The following DNAJC24 variants were observed in gnomAD, a reference collection of about 807,000 sequenced individuals.
DNAJC24 encodes DnaJ heat shock protein family (Hsp40) member C24, also known as dnaJ homolog subfamily C member 24.
A neutral mutation model predicts 18.0 loss-of-function variants in DNAJC24; 17 were observed. The observed-to-expected ratio is 0.94, with a 90% CI of 0.65 to 1.42. DNAJC24 has a LOEUF of 1.42. Among genes scored for constraint, DNAJC24 ranks in the 40% most tolerant of loss-of-function variants. The pLI, the probability that DNAJC24 is intolerant of heterozygous loss-of-function variation, is 0.00. For missense variants in DNAJC24, 158 were observed against 175.6 expected, an observed-to-expected ratio of 0.90 and a Z score of 0.57; for synonymous variants, 55 against 57.7, an observed-to-expected ratio of 0.95 and a Z score of 0.21.
chr11:31,380,238 CA>C (rs1952363158), intron 2 of DNAJC24, among the ~76,000 whole-genome samples: 1 of 152,058 alleles, frequency 6.6e-6, no homozygotes, highest in Non-Finnish European at 1.5e-5. Flanking sequence ...CATAGAATGT[CA>C]AAAACTAAAG....
intron 3 of DNAJC24, among the ~76,000 whole-genome samples, chr11:31,424,104 A>G (rs959061838): frequency 3.9e-5 from 6 of 152,180 alleles, no homozygotes; most frequent in African/African-American, 1.4e-4. Flanking sequence ...CTAATTTATT[A>G]TTTTTAAATA....
In DNAJC24 at chr11:31,385,941, G is replaced by A. The variant is rs571450966; in HGVS notation, c.111+15082G>A. On this transcript the variant is annotated intron_variant, in intron 2 of 4. Coordinates refer to ENST00000465995, the MANE Select transcript of DNAJC24 (RefSeq NM_181706.5). ...GTGGAAAGAGAATCCGTGTGCTTGGGGAAGGGAGAGCACCATGCTCGTAGG... is the reference window on the plus strand; with the variant it reads ...GTGGAAAGAGAATCCGTGTGCTTGGAGAAGGGAGAGCACCATGCTCGTAGG... Among the ~76,000 whole-genome samples, 31 of 152,266 alleles carry A rather than the reference G, an allele frequency of 2.0e-4. 1 individual carries two copies. In the South Asian group the frequency reaches 6.2e-3, roughly 31 times the overall value.
Position 31,373,384 on chromosome 11 carries a change from T to C in DNAJC24, c.111+2525T>C. On this transcript the variant is annotated intron_variant, in intron 2 of 4. Coordinates refer to ENST00000465995, the MANE Select transcript of DNAJC24 (RefSeq NM_181706.5). The stretch of plus-strand genomic sequence containing the variant: ...TATATTCAGTTGTGCCAGCATCATT[T>C]GTTGAAAATTTTTTTCTCCATTGGA... Among the ~76,000 whole-genome samples the C allele has an allele frequency of 1.5e-5, 2 of 134,800 alleles. 1 individual carries two copies. Among genetic ancestry groups the C allele is most frequent in the Non-Finnish European group, 3.4e-5 (2 of 58,324 alleles). 88.4% of individuals were successfully genotyped at this position (134,800 alleles called of 152,430 possible).
chr11:31,393,348 A>C (rs1354833224), intron 2 of DNAJC24, among the ~76,000 whole-genome samples: 2 of 152,180 alleles, frequency 1.3e-5, no homozygotes, highest in African/African-American at 4.8e-5. Flanking sequence ...GGGGTATGGC[A>C]ATAGAGAAGA....
intron 2 of DNAJC24, among the ~76,000 whole-genome samples, chr11:31,398,567 C>G (rs1432952044): frequency 6.6e-6 from 1 of 152,122 alleles, no homozygotes; most frequent in Non-Finnish European, 1.5e-5. Flanking sequence ...AGCATTGATT[C>G]AAATAAGAGG....
intron 2 of DNAJC24, among the ~76,000 whole-genome samples, chr11:31,393,491 G>A (rs528124480): frequency 3.9e-5 from 6 of 152,294 alleles, no homozygotes; most frequent in Admixed American, 6.5e-5. Context: ...GTGATTAGCC[G>A]TGAGGGCTCC....
chr11:31,398,611 A>G (rs1952567543), intron 2 of DNAJC24, among the ~76,000 whole-genome samples: 1 of 152,250 alleles, frequency 6.6e-6, no homozygotes, highest in Admixed American at 6.5e-5. Context: ...TTTCTTTCTC[A>G]TATCTTGTTT....
intron 2 of DNAJC24, among the ~76,000 whole-genome samples, chr11:31,379,375 C>T (rs61879924): frequency 1.8e-4 from 27 of 152,160 alleles, no homozygotes; most frequent in Non-Finnish European, 2.9e-4. Context: ...TGAGGTGGAA[C>T]AGTTTCATTC....
intron 2 of DNAJC24, among the ~76,000 whole-genome samples, chr11:31,399,351 C>T (rs562354188): frequency 1.4e-4 from 22 of 151,782 alleles, no homozygotes; most frequent in Non-Finnish European, 2.9e-4. Context: ...AACCACGTAT[C>T]TTAACCTTTT....
chr11:31,409,498 C>T (rs1952686052), intron 2 of DNAJC24, among the ~76,000 whole-genome samples: 1 of 152,164 alleles, frequency 6.6e-6, no homozygotes, highest in African/African-American at 2.4e-5. Flanking sequence ...TGTAATCATA[C>T]AGTATGTACT....
chr11:31,371,328 A>T (rs1319330213), intron 2 of DNAJC24, among the ~76,000 whole-genome samples: 1 of 152,220 alleles, frequency 6.6e-6, no homozygotes, highest in African/African-American at 2.4e-5. Context: ...AAAATAATTT[A>T]ACAATTTTTA....
chr11:31,393,129 A>G (rs553344871), intron 2 of DNAJC24, among the ~76,000 whole-genome samples: 3 of 152,320 alleles, frequency 2.0e-5, no homozygotes, highest in South Asian at 4.1e-4. Flanking sequence ...TTCGGCTTCT[A>G]TGCCCGAATA....
chr11:31,422,511 GT>G lies in DNAJC24; in HGVS notation c.251-3773del, dbSNP rs201246384. On this transcript the variant is annotated intron_variant, in intron 3 of 4. Coordinates refer to ENST00000465995, the MANE Select transcript of DNAJC24 (RefSeq NM_181706.5). Reference sequence around the variant, plus strand: ...TTTAATTAAATCACTCTCTAAATCAGTTTATGTTTTCTCAACCCTTTTAGTA... The same window carrying G: ...TTTAATTAAATCACTCTCTAAATCAGTTATGTTTTCTCAACCCTTTTAGTA... Among the ~76,000 whole-genome samples the G allele has an allele frequency of 1.5e-4, 23 of 152,220 alleles. No individual in the cohort carries two copies. The East Asian group carries it at 4.4e-3, about 29-fold the overall frequency.
chr11:31,413,127 A>G (rs1246926260), intron 2 of DNAJC24, among the ~76,000 whole-genome samples: 2 of 152,098 alleles, frequency 1.3e-5, no homozygotes, highest in Non-Finnish European at 2.9e-5. Flanking sequence ...TGATTGTACC[A>G]TTAATTGAGG....
intron 3 of DNAJC24, among the ~76,000 whole-genome samples, chr11:31,417,953 C>T (rs1398575384): frequency 6.6e-6 from 1 of 151,984 alleles, no homozygotes; most frequent in East Asian, 1.9e-4. Flanking sequence ...GGGCAGATAA[C>T]CCAAAGTATT....
At chr11:31,429,018 T>C (rs1483146126) in intron 4 of DNAJC24, among the ~76,000 whole-genome samples, 1 of 152,128 alleles carries the variant, frequency 6.6e-6, no homozygotes, top group Non-Finnish European at 1.5e-5. Context: ...GGAAAATCAA[T>C]GGTTAGAATA....
At chr11:31,370,976 T>G (rs1231670354) in intron 2 of DNAJC24, 117 bp downstream of exon 2, 1 of 611,780 alleles carries the variant, frequency 1.6e-6, no homozygotes, top group Non-Finnish European at 2.9e-6. Flanking sequence ...CAGGTATTAA[T>G]TTGATTTAAT....
At chr11:31,415,150 G>T in intron 3 of DNAJC24, 1 of 481,444 alleles carries the variant, frequency 2.1e-6, no homozygotes. Flanking sequence ...AAAACTACTA[G>T]GATGTGGCTT....
At chr11:31,383,800 G>T (rs1314353479) in intron 2 of DNAJC24, among the ~76,000 whole-genome samples, 1 of 152,244 alleles carries the variant, frequency 6.6e-6, no homozygotes, top group African/African-American at 2.4e-5. Flanking sequence ...TCGTCCTAAT[G>T]TAACAGAATG....
Sources: gnomAD v4.1 joint callset for allele counts (sites outside exome capture counted in the v4.1 genomes callset) on GRCh38, gnomAD v4.1.1 for gene constraint, MANE v1.5 for transcripts, NCBI Gene and HGNC (gene_info 2026-07-23, HGNC 2026-07-21) for gene names.